Variants in IRAK1BP1 observed in about 807,000 individuals in gnomAD.
The protein encoded by IRAK1BP1 is interleukin 1 receptor associated kinase 1 binding protein 1, also known as interleukin-1 receptor-associated kinase 1-binding protein 1.
IRAK1BP1 carries 24 observed loss-of-function variants against 28.0 expected under a neutral mutation model. The ratio of observed to expected loss-of-function variants is 0.86; its 90% CI spans 0.62 to 1.20. The LOEUF (loss-of-function observed/expected upper bound fraction) is 1.20, where lower values mean the gene tolerates loss of function less well. Ranked by LOEUF, IRAK1BP1 falls within the 50% of genes most tolerant of loss-of-function variation. IRAK1BP1 has a pLI of 0.00. For synonymous variants in IRAK1BP1, 131 were observed against 116.3 expected (o/e 1.13, Z -0.81); for missense variants, 336 against 316.7 (o/e 1.06, Z -0.46).
exon 5 of IRAK1BP1, chr6:78,946,398 A>T: frequency 7.2e-7 from 1 of 1,391,844 alleles, no homozygotes; most frequent in Non-Finnish European, 9.4e-7. Flanking sequence ...ATTTCATATG[A>T]TTGTGAGCCT....
intron 4 of IRAK1BP1, among the ~76,000 whole-genome samples, chr6:78,932,621 G>A (rs1161485693): frequency 3.3e-5 from 5 of 152,024 alleles, no homozygotes; most frequent in African/African-American, 7.2e-5. Flanking sequence ...GTTTCACCAC[G>A]TTGGCCAGGC....
the IRAK1BP1 span, among the ~76,000 whole-genome samples, chr6:78,971,535 C>T: frequency 2.0e-5 from 3 of 152,156 alleles, no homozygotes; most frequent in South Asian, 4.1e-4. Context: ...CCAAGATGGC[C>T]GAATAGGAAC....
chr6:78,920,369 T>A (rs1217244101), intron 4 of IRAK1BP1, among the ~76,000 whole-genome samples: 1 of 152,116 alleles, frequency 6.6e-6, no homozygotes, highest in Non-Finnish European at 1.5e-5. Flanking sequence ...AGGAATCACA[T>A]TACCTGACTT....
the IRAK1BP1 span, among the ~76,000 whole-genome samples, chr6:78,973,241 G>C: frequency 1.3e-5 from 2 of 151,776 alleles, no homozygotes; most frequent in Non-Finnish European, 2.9e-5. Context: ...TTAAAGAAAA[G>C]AATTTTCAAC....
At chr6:78,882,596 A>C (rs910117905) in intron 1 of IRAK1BP1, among the ~76,000 whole-genome samples, 1 of 152,218 alleles carries the variant, frequency 6.6e-6, no homozygotes, top group Non-Finnish European at 1.5e-5. Flanking sequence ...AGAAAACATC[A>C]ATGTCAAAAT....
At chr6:78,883,415 TTTCTC>T (rs1771301669) in intron 1 of IRAK1BP1, among the ~76,000 whole-genome samples, 2 of 152,210 alleles carry the variant, frequency 1.3e-5, no homozygotes, top group Admixed American at 1.3e-4. Context: ...TTTTGATTAT[TTTCTC>T]TAGTATTAGA....
chr6:78,966,515 TC>T, the IRAK1BP1 span, among the ~76,000 whole-genome samples: 1 of 152,084 alleles, frequency 6.6e-6, no homozygotes, highest in African/African-American at 2.4e-5. Flanking sequence ...CAACATAAAA[TC>T]CAACCTGTCT....
At chr6:78,922,353 G>T (rs1046999553) in intron 4 of IRAK1BP1, among the ~76,000 whole-genome samples, 1 of 152,134 alleles carries the variant, frequency 6.6e-6, no homozygotes, top group Non-Finnish European at 1.5e-5. Flanking sequence ...ATGAAATGAA[G>T]AGAGAAGAGA....
intron 2 of IRAK1BP1, among the ~76,000 whole-genome samples, chr6:78,897,527 G>A (rs2127654365): frequency 6.6e-6 from 1 of 152,168 alleles, no homozygotes; most frequent in East Asian, 1.9e-4. Flanking sequence ...TAGTTATCAG[G>A]ATTAAAATTT....
At chr6:78,957,425 G>A in the IRAK1BP1 span, 1 of 151,818 alleles carries the variant, frequency 6.6e-6, no homozygotes, top group Non-Finnish European at 1.5e-5. Context: ...ATTTCTTAGA[G>A]AATAAGGTAG....
chr6:78,916,235 C>A (rs1262044054), intron 4 of IRAK1BP1, among the ~76,000 whole-genome samples: 3 of 151,998 alleles, frequency 2.0e-5, no homozygotes, highest in African/African-American at 7.3e-5. Context: ...TAATTTGGTT[C>A]TAGAAAGTCT....
At chr6:78,973,202 A>AAGAG in the IRAK1BP1 span, among the ~76,000 whole-genome samples, 7 of 152,248 alleles carry the variant, frequency 4.6e-5, no homozygotes, top group African/African-American at 1.7e-4. Flanking sequence ...TACAAGCCAG[A>AAGAG]AGAGAGTGGG....
the IRAK1BP1 span, among the ~76,000 whole-genome samples, chr6:78,976,105 C>T: frequency 6.6e-6 from 1 of 150,634 alleles, no homozygotes; most frequent in South Asian, 2.1e-4. Context: ...GGAGGCATCA[C>T]ACTACCTGAC....
chr6:78,963,328 A>G, the IRAK1BP1 span: 2 of 1,126,456 alleles, frequency 1.8e-6, no homozygotes, highest in Non-Finnish European at 2.5e-6. Flanking sequence ...ATGTAAAAAT[A>G]ACAGTCACAA....
At chr6:78,958,758 T>A in the IRAK1BP1 span, among the ~76,000 whole-genome samples, 1 of 152,022 alleles carries the variant, frequency 6.6e-6, no homozygotes, top group Non-Finnish European at 1.5e-5. Context: ...ATAACTGCAT[T>A]TGTGTTAGGG....
intron 4 of IRAK1BP1, chr6:78,939,512 T>C (rs935735586): frequency 6.6e-6 from 1 of 151,924 alleles, no homozygotes; most frequent in African/African-American, 2.4e-5. Context: ...ATTTTAAAAT[T>C]ATTTTTATTC....
chr6:78,924,809 C>T (rs899422071), intron 4 of IRAK1BP1, among the ~76,000 whole-genome samples: 2 of 152,032 alleles, frequency 1.3e-5, no homozygotes, highest in East Asian at 1.9e-4. Context: ...CAGAACCAAC[C>T]ATTACTGGGT....
intron 4 of IRAK1BP1, among the ~76,000 whole-genome samples, chr6:78,920,760 TG>T (rs1772700865): frequency 6.6e-6 from 1 of 151,842 alleles, no homozygotes; most frequent in Non-Finnish European, 1.5e-5. Context: ...CAAAAGCAAT[TG>T]AAACAAAAAC....
intron 4 of IRAK1BP1, among the ~76,000 whole-genome samples, chr6:78,917,289 T>A (rs1477596317): frequency 6.6e-6 from 1 of 151,454 alleles, no homozygotes; most frequent in Non-Finnish European, 1.5e-5. Context: ...ATGGAAAGCT[T>A]TATCAATAGA....
Sources: allele counts gnomAD v4.1 joint callset (sites outside exome capture counted in the v4.1 genomes callset), GRCh38; gene constraint gnomAD v4.1.1; transcripts MANE v1.5; gene names NCBI Gene and HGNC (gene_info 2026-07-23, HGNC 2026-07-21).